STK10: variants seen among roughly 807,000 people sequenced by gnomAD.
The protein encoded by STK10 is serine/threonine kinase 10.
Under a neutral mutation model 113.8 loss-of-function variants are expected in STK10, and 78 were observed. The ratio of observed to expected loss-of-function variants is 0.69; its 90% CI spans 0.57 to 0.83. STK10 has a LOEUF of 0.83. Among genes scored for constraint, STK10 ranks in the 40% least tolerant of loss-of-function variants. The pLI is 0.00. For missense variants in STK10, 1,109 were observed against 1,280.1 expected, an observed-to-expected ratio of 0.87 and a Z score of 2.04; for synonymous variants, 465 against 494.7, an observed-to-expected ratio of 0.94 and a Z score of 0.80.
intron 4 of STK10, among the ~76,000 whole-genome samples, chr5:172,111,769 T>TTG (rs1236084510): frequency 4.6e-5 from 7 of 152,248 alleles, no homozygotes; most frequent in African/African-American, 9.6e-5. Flanking sequence ...GTGGCCACAG[T>TTG]TGTATCCCTG....
Position 172,110,029 on chromosome 5 carries a change from A to G in STK10, c.521-2177T>C, listed in dbSNP as rs1163881707. On this transcript the variant is annotated intron_variant, in intron 4 of 18. Transcript: ENST00000176763. The stretch of plus-strand genomic sequence containing the variant: ...CCTGAATACGGGAGAACTTGGTTCC[A>G]GCCTCTGCTCTTCTGCTTCACTGTC... Among the ~76,000 whole-genome samples, 4 of 152,270 alleles carry G rather than the reference A, an allele frequency of 2.6e-5. No homozygotes were observed. In the East Asian group the frequency reaches 7.7e-4, roughly 29 times the overall value.
At chr5:172,069,471 C>T (rs977613694) in intron 12 of STK10, among the ~76,000 whole-genome samples, 2 of 152,130 alleles carry the variant, frequency 1.3e-5, no homozygotes. Context: ...AAGGAAGACT[C>T]AGTTCACTAA....
chr5:172,152,928 T>C (rs1184310976), intron 2 of STK10, among the ~76,000 whole-genome samples: 1 of 152,244 alleles, frequency 6.6e-6, no homozygotes, highest in Non-Finnish European at 1.5e-5. Flanking sequence ...AAATAAATTA[T>C]ATTATGGAAA....
intron 12 of STK10, among the ~76,000 whole-genome samples, chr5:172,074,291 G>A (rs770320176): frequency 1.3e-5 from 2 of 152,142 alleles, no homozygotes; most frequent in African/African-American, 2.4e-5. Context: ...TGATTTCACG[G>A]CTTTTATAAA....
chr5:172,130,288 T>C (rs145660998), intron 2 of STK10, among the ~76,000 whole-genome samples: 3 of 152,238 alleles, frequency 2.0e-5, no homozygotes, highest in Admixed American at 2.0e-4. Flanking sequence ...CCCAGCATAT[T>C]GGGAAGATGA....
intron 2 of STK10, among the ~76,000 whole-genome samples, chr5:172,152,984 A>C (rs1446765142): frequency 6.6e-6 from 1 of 152,194 alleles, no homozygotes; most frequent in Non-Finnish European, 1.5e-5. Flanking sequence ...TGGCTGTTAG[A>C]AATGTAAAAT....
chr5:172,158,501 C>T (rs1770400066), intron 1 of STK10, among the ~76,000 whole-genome samples: 1 of 152,104 alleles, frequency 6.6e-6, no homozygotes, highest in South Asian at 2.1e-4. Flanking sequence ...GTGGTGGGCG[C>T]CTGTAATCCC....
rs141578105 is a variant in STK10 at position 172,174,726 on chromosome 5, G to A, written c.156+13161C>T. Reference sequence around the variant, plus strand: ...GAGGAGGGAATCTGAGTTGAGACCCGGAGAATGAGGAGGAGCCAGCTGTAC... The same window carrying A: ...GAGGAGGGAATCTGAGTTGAGACCCAGAGAATGAGGAGGAGCCAGCTGTAC... On this transcript the variant is annotated intron_variant, in intron 1 of 18. Transcript: ENST00000176763. 2.4e-3 allele frequency among the ~76,000 whole-genome samples: 366 copies of A among 152,282 alleles called. 2 individuals carry two copies. The highest frequency in any genetic ancestry group is 8.4e-3 in the African/African-American group (347 of 41,544).
intron 1 of STK10, among the ~76,000 whole-genome samples, chr5:172,183,461 T>TC: frequency 6.6e-6 from 1 of 151,886 alleles, no homozygotes; most frequent in African/African-American, 2.4e-5. Flanking sequence ...CTTTACTTTT[T>TC]TTTTTTTTTT....
At chr5:172,055,435 C>G (rs913339419) in intron 16 of STK10, among the ~76,000 whole-genome samples, 153 bp downstream of exon 16, 2 of 152,158 alleles carry the variant, frequency 1.3e-5, no homozygotes, top group Non-Finnish European at 2.9e-5. Context: ...AGTGACCCGC[C>G]CGCCTCGGCC....
At chr5:172,156,568 C>T in intron 2 of STK10, 56 bp downstream of exon 2, 1 of 1,570,014 alleles carries the variant, frequency 6.4e-7, no homozygotes, top group Non-Finnish European at 8.7e-7. Context: ...ACCAGGCTAG[C>T]TCCAGAGCAC....
intron 10 of STK10, among the ~76,000 whole-genome samples, chr5:172,087,174 T>G (rs556628687): frequency 6.8e-6 from 1 of 146,780 alleles, no homozygotes; most frequent in South Asian, 2.2e-4. Flanking sequence ...GATACACTAG[T>G]GAAAAGTCTG....
chr5:172,170,380 T>C (rs528798241), intron 1 of STK10, among the ~76,000 whole-genome samples: 98 of 152,102 alleles, frequency 6.4e-4, no homozygotes, highest in African/African-American at 1.9e-3. Flanking sequence ...CACAGCTGAG[T>C]CCTGCCAAGC....
chr5:172,052,934 T>G lies in STK10; in HGVS notation c.2761A>C (p.Lys921Gln). 1.2e-6 allele frequency: 2 copies of G among 1,613,906 alleles called. No individual in the cohort carries two copies. The highest frequency in any genetic ancestry group is 1.7e-6 in the Non-Finnish European group (2 of 1,180,030). ...ACCAGCTCGGATAAAGTTACCTTCT[T>G]GCGCGGCCGAAGCTTGTCCCGCCAT... ...KEWRDKLRPR[K>Q]KALEEDLNQK... The change falls in exon 18 of 19, where the codon AAG becomes CAG. Residue 921 changes from lysine to glutamine, a missense_variant. This residue lies in a region of STK10 where 885 missense variants were observed against 991.1 expected (regional missense o/e 0.89). Transcript: ENST00000176763.
At position 172,107,815 on chromosome 5, in the gene STK10, T is replaced by C; in HGVS notation, c.558A>G (p.Leu186=). The C allele has an allele frequency of 6.2e-7, 1 of 1,614,166 alleles. No individual in the cohort carries two copies. Among genetic ancestry groups the C allele is most frequent in the South Asian group, 1.1e-5 (1 of 91,086 alleles). Residue 186 remains leucine, a synonymous_variant, in exon 5 of 19, where the codon CTA becomes CTG. Coordinates refer to ENST00000176763, the MANE Select transcript of STK10 (RefSeq NM_005990.4). ...FGVSAKNLKT[L]QKRDSFIGTP... ...TGCCGATGAAGGAATCTCGTTTCTG[T>C]AGAGTCTTCAGATTCTTGGCAGACA...
At chr5:172,090,433 GGCCACA>G (rs1768674411) in intron 9 of STK10, 71 bp from the exon 10 acceptor site, 5 of 1,569,740 alleles carry the variant, frequency 3.2e-6, no homozygotes, top group Non-Finnish European at 4.3e-6. Context: ...CAGCAGGTGA[GGCCACA>G]GCTCTGCTGG....
chr5:172,126,599 T>C (rs930146111), intron 3 of STK10, among the ~76,000 whole-genome samples: 7 of 152,112 alleles, frequency 4.6e-5, no homozygotes, highest in Non-Finnish European at 7.4e-5. Context: ...CCTGATTTTA[T>C]ACCTGAGGAT....
intron 7 of STK10, among the ~76,000 whole-genome samples, chr5:172,099,471 G>A (rs1016740828): frequency 6.6e-5 from 10 of 152,206 alleles, no homozygotes; most frequent in Admixed American, 2.0e-4. Context: ...AACCCGGGAG[G>A]CAGAGGTTAC....
intron 3 of STK10, among the ~76,000 whole-genome samples, chr5:172,125,999 T>C (rs146586297): frequency 1.3e-5 from 2 of 152,228 alleles, no homozygotes; most frequent in Non-Finnish European, 2.9e-5. Context: ...AGGACTACAG[T>C]TGGCTCCCTC....
Sources: allele counts gnomAD v4.1 joint callset (sites outside exome capture counted in the v4.1 genomes callset), GRCh38; gene constraint gnomAD v4.1.1; regional missense constraint gnomAD v4.1.1; transcripts MANE v1.5; gene names NCBI Gene and HGNC (gene_info 2026-07-23, HGNC 2026-07-21).